The following NDEL1 variants were observed in gnomAD, a reference collection of about 807,000 sequenced individuals.
The protein encoded by NDEL1 is nuclear distribution protein nudE-like 1.
In NDEL1, 9 loss-of-function variants were observed where a neutral mutation model predicts 45.7. That is an observed-to-expected ratio of 0.20 (90% CI 0.12 to 0.34). The LOEUF is 0.34. NDEL1 is among the 10% of genes least tolerant of loss of function. The pLI, the probability that NDEL1 is intolerant of heterozygous loss-of-function variation, is 1.00. For missense variants in NDEL1, 306 were observed against 406.2 expected (o/e 0.75, Z 2.12); for synonymous variants, 133 against 158.6 (o/e 0.84, Z 1.21).
intron 1 of NDEL1, among the ~76,000 whole-genome samples, chr17:8,424,779 C>T (rs1243130694): frequency 1.3e-5 from 2 of 151,648 alleles, no homozygotes; most frequent in African/African-American, 2.4e-5. Context: ...GCTGGGATTA[C>T]AGGCGTGAGC....
intron 1 of NDEL1, among the ~76,000 whole-genome samples, chr17:8,426,283 C>T (rs1389575527): frequency 1.3e-5 from 2 of 152,218 alleles, no homozygotes. Context: ...AACTTTGACT[C>T]ATTGGCTTAC....
At chr17:8,422,290 T>G (rs1042178016) in intron 1 of NDEL1, among the ~76,000 whole-genome samples, 1 of 152,214 alleles carries the variant, frequency 6.6e-6, no homozygotes, top group Non-Finnish European at 1.5e-5. Flanking sequence ...AGGGCTCCCC[T>G]GCCTCTCCCC....
chr17:8,454,492 A>C (rs567379948), intron 6 of NDEL1, among the ~76,000 whole-genome samples: 1 of 152,310 alleles, frequency 6.6e-6, no homozygotes, highest in East Asian at 1.9e-4. Context: ...AGGTGAAAAA[A>C]ATGGGCATAT....
chr17:8,444,419 G>C, intron 2 of NDEL1, 62 bp downstream of exon 2: 1 of 1,124,236 alleles, frequency 8.9e-7, no homozygotes, highest in East Asian at 2.4e-5. Context: ...TGTCTTGTTT[G>C]TGCATTTTTC....
rs375382498 is a variant in NDEL1, at chr17:8,445,692, C to A, written c.87-19C>A. ...TGGTTCTTAGTGTAACTCGTCTTTCCCACTTTGTTTCTGATTAGCTTCCAG... is the reference window on the plus strand; with the variant it reads ...TGGTTCTTAGTGTAACTCGTCTTTCACACTTTGTTTCTGATTAGCTTCCAG... On this transcript the variant is annotated intron_variant, in intron 2 of 8. Coordinates refer to ENST00000334527, the MANE Select transcript of NDEL1 (RefSeq NM_030808.5). 2 of 1,586,084 alleles carry A rather than the reference C, an allele frequency of 1.3e-6. No homozygotes were observed. Among genetic ancestry groups the A allele is most frequent in the Admixed American group, 1.9e-5 (1 of 53,134 alleles).
At chr17:8,415,557 T>C (rs1291443874) in intron 1 of NDEL1, among the ~76,000 whole-genome samples, 1 of 151,630 alleles carries the variant, frequency 6.6e-6, no homozygotes, top group Non-Finnish European at 1.5e-5. Context: ...TAGCTCAGCC[T>C]CCTGAGTAGC....
intron 1 of NDEL1, among the ~76,000 whole-genome samples, chr17:8,442,846 G>C (rs1007133281): frequency 7.2e-6 from 1 of 139,218 alleles, no homozygotes. Flanking sequence ...CTGGAGTGCA[G>C]TGGCGCAATC....
upstream of NDEL1, chr17:8,435,743 A>C (rs564596832): frequency 4.1e-5 from 14 of 339,070 alleles, no homozygotes; most frequent in African/African-American, 1.8e-4. Flanking sequence ...GGACGCCGTC[A>C]GCTTGGCGTC....
At chr17:8,419,448 C>G (rs1168382943) in intron 1 of NDEL1, among the ~76,000 whole-genome samples, 3 of 152,124 alleles carry the variant, frequency 2.0e-5, no homozygotes, top group Admixed American at 6.6e-5. Flanking sequence ...GTGTCATGCT[C>G]TCAACTTATG....
At chr17:8,427,424 G>A (rs559940443) in intron 1 of NDEL1, among the ~76,000 whole-genome samples, 1 of 152,254 alleles carries the variant, frequency 6.6e-6, no homozygotes, top group East Asian at 1.9e-4. Context: ...AGGGAGGCTG[G>A]GCATGGTGGC....
chr17:8,444,670 C>A (rs1350202727), intron 2 of NDEL1: 4 of 214,530 alleles, frequency 1.9e-5, no homozygotes, highest in East Asian at 2.6e-4. Flanking sequence ...GATTCTGCCT[C>A]ATCATTTTGG....
chr17:8,418,646 TTTCC>T (rs1016492860), intron 1 of NDEL1, among the ~76,000 whole-genome samples: 66 of 151,476 alleles, frequency 4.4e-4, no homozygotes, highest in African/African-American at 1.2e-3. Context: ...TCCTTCCTTC[TTTCC>T]TTCCTTCCTT....
intron 1 of NDEL1, among the ~76,000 whole-genome samples, chr17:8,436,923 G>C (rs938321207): frequency 7.9e-5 from 12 of 152,140 alleles, no homozygotes; most frequent in Admixed American, 7.9e-4. Flanking sequence ...ACATTTCTAG[G>C]CTCGGAGTTC....
downstream of NDEL1, among the ~76,000 whole-genome samples, chr17:8,470,470 CCA>C: frequency 6.6e-6 from 1 of 152,104 alleles, no homozygotes; most frequent in East Asian, 1.9e-4. The surrounding 1 kb of genome is among the most constrained non-coding windows in gnomAD (Gnocchi z 4.2). Flanking sequence ...TTCCTTCAGC[CCA>C]GAGTGGCCAG....
At chr17:8,462,099 C>T (rs185137544) in intron 8 of NDEL1, among the ~76,000 whole-genome samples, 4 of 151,922 alleles carry the variant, frequency 2.6e-5, no homozygotes, top group Admixed American at 6.6e-5. Context: ...GCCTTGGGCA[C>T]ACTGACTGCA....
At chr17:8,472,112 GCT>G (rs1398784900), downstream of NDEL1, among the ~76,000 whole-genome samples, 1 of 152,180 alleles carries the variant, frequency 6.6e-6, no homozygotes, top group Non-Finnish European at 1.5e-5. Flanking sequence ...ACAACAGTGA[GCT>G]CTCTTCTCCA....
At chr17:8,442,777 C>CTTTTTTTTTTTTTTTTTTT (rs34963430) in intron 1 of NDEL1, among the ~76,000 whole-genome samples, 1 of 84,152 alleles carries the variant, frequency 1.2e-5, no homozygotes, top group Non-Finnish European at 2.1e-5. Flanking sequence ...TATTTATTTA[C>CTTTTTTTTTTTTTTTTTTT]TTTTTTTTTT....
downstream of NDEL1, among the ~76,000 whole-genome samples, chr17:8,469,388 G>C (rs544845148): frequency 6.6e-6 from 1 of 152,238 alleles, no homozygotes; most frequent in African/African-American, 2.4e-5. Flanking sequence ...TTCATCCCTG[G>C]CTCCCCAAAT....
intron 8 of NDEL1, chr17:8,463,343 C>A (rs769618215): frequency 1.2e-6 from 2 of 1,612,930 alleles, no homozygotes; most frequent in Non-Finnish European, 1.7e-6. Flanking sequence ...ATATTTCCCA[C>A]GTTGTTCATG....
Sources: allele counts gnomAD v4.1 joint callset (sites outside exome capture counted in the v4.1 genomes callset), GRCh38; gene constraint gnomAD v4.1.1; non-coding constraint Gnocchi (gnomAD v3.1); transcripts MANE v1.5; gene names NCBI Gene and HGNC (gene_info 2026-07-23, HGNC 2026-07-21).